Variants in ANKRD18B observed in about 807,000 individuals in gnomAD.
ANKRD18B encodes the protein ankyrin repeat domain 18B.
ANKRD18B carries 75 observed loss-of-function variants against 111.8 expected under a neutral mutation model. The observed-to-expected ratio is 0.67, with a 90% CI of 0.56 to 0.81. The LOEUF (loss-of-function observed/expected upper bound fraction) is 0.81. Ranked by LOEUF, ANKRD18B falls within the 40% of genes least tolerant of loss-of-function variation. The pLI, the probability that ANKRD18B is intolerant of heterozygous loss-of-function variation, is 0.00. For missense variants in ANKRD18B, 1,038 were observed against 1,225.5 expected, an observed-to-expected ratio of 0.85 and a Z score of 2.28; for synonymous variants, 356 against 417.3, an observed-to-expected ratio of 0.85 and a Z score of 1.79.
chr9:33,533,257 G>A (rs1828142760), intron 3 of ANKRD18B, among the ~76,000 whole-genome samples, 182 bp from the exon 4 acceptor site: 2 of 152,220 alleles, frequency 1.3e-5, no homozygotes, highest in South Asian at 4.1e-4. Context: ...TGGGGAGGCA[G>A]AGGAGGGGTG....
chr9:33,533,602 G>A (rs1174650916), intron 4 of ANKRD18B, 57 bp downstream of exon 4: 24 of 1,489,084 alleles, frequency 1.6e-5, no homozygotes, highest in Non-Finnish European at 2.1e-5. Context: ...GTGTTCTAGA[G>A]TGGTAACAGT....
chr9:33,569,780 T>C (rs1160809071), intron 17 of ANKRD18B, among the ~76,000 whole-genome samples: 1 of 152,174 alleles, frequency 6.6e-6, no homozygotes, highest in Non-Finnish European at 1.5e-5. Context: ...ACGCCTGTAA[T>C]CCCAGCATTT....
At chr9:33,533,345 C>A in intron 3 of ANKRD18B, 94 bp from the exon 4 acceptor site, 2 of 1,498,218 alleles carry the variant, frequency 1.3e-6, no homozygotes, top group Non-Finnish European at 1.8e-6. Flanking sequence ...GTCTATATTG[C>A]ATGTTTAAGT....
intron 9 of ANKRD18B, among the ~76,000 whole-genome samples, chr9:33,542,978 C>T (rs1563902419): frequency 6.6e-6 from 1 of 151,646 alleles, no homozygotes; most frequent in Non-Finnish European, 1.5e-5. Context: ...CTTGAACCTG[C>T]TGATATCTAG....
intron 10 of ANKRD18B, among the ~76,000 whole-genome samples, chr9:33,543,967 T>G (rs1828320214): frequency 6.6e-6 from 1 of 152,178 alleles, no homozygotes; most frequent in Non-Finnish European, 1.5e-5. Flanking sequence ...AGTATAACAT[T>G]TGAAGTAGAA....
At chr9:33,528,267 C>T (rs1828055803) in intron 1 of ANKRD18B, among the ~76,000 whole-genome samples, 3 of 152,218 alleles carry the variant, frequency 2.0e-5, no homozygotes, top group African/African-American at 4.8e-5. Context: ...CACCATTGCA[C>T]TCCAGCCTGG....
rs1427619429 is a variant in ANKRD18B at position 33,548,432 on chromosome 9, T to C, written c.1644T>C (p.His548=). The C allele has an allele frequency of 1.0e-5, 16 of 1,551,240 alleles. No individual in the cohort carries two copies. Among genetic ancestry groups the C allele is most frequent in the Admixed American group, 2.0e-5 (1 of 50,946 alleles). Residue 548 remains histidine (H), a synonymous_variant, in exon 11 of 19, where the codon CAT becomes CAC. Coordinates refer to ENST00000684830, the MANE Select transcript of ANKRD18B (RefSeq NM_001393611.1). ...DKNELLTEQV[H]KARVKFNTLK... ...ATGAGTTGCTTACTGAACAGGTCCA[T>C]AAAGCTCGGGTGAAGTTCAATACCT... is the stretch of plus-strand genomic sequence containing the variant.
intron 14 of ANKRD18B, among the ~76,000 whole-genome samples, chr9:33,565,799 T>C (rs1449127398): frequency 6.6e-6 from 1 of 152,184 alleles, no homozygotes; most frequent in East Asian, 1.9e-4. Flanking sequence ...TTTCAAAGTC[T>C]TATTCTGGGA....
intron 10 of ANKRD18B, among the ~76,000 whole-genome samples, chr9:33,545,739 G>C (rs958229492): frequency 6.6e-6 from 1 of 152,192 alleles, no homozygotes; most frequent in Non-Finnish European, 1.5e-5. Context: ...AATGAGACAG[G>C]CTTGTTACAA....
chr9:33,562,118 C>T (rs934321290), intron 14 of ANKRD18B, among the ~76,000 whole-genome samples: 1 of 152,140 alleles, frequency 6.6e-6, no homozygotes. Context: ...AACCTTTAGT[C>T]TCTTATCCAG....
rs778817242 is a variant in ANKRD18B at position 33,566,200 on chromosome 9, T to G, written c.2461-19T>G. The G allele has an allele frequency of 9.1e-6, 14 of 1,536,666 alleles. 1 individual carries two copies. The South Asian group carries it at 1.7e-4, about 19-fold the overall frequency. On this transcript the variant is annotated intron_variant, in intron 14 of 18. Transcript: ENST00000684830. ...CTCAGCCTACTTCATTATCAAGCTCTATTATTTTATTAATGCAGTTTGATG... is the reference window on the plus strand; with the variant it reads ...CTCAGCCTACTTCATTATCAAGCTCGATTATTTTATTAATGCAGTTTGATG...
intron 5 of ANKRD18B, 146 bp downstream of exon 5, chr9:33,534,653 A>C (rs553006236): frequency 8.2e-5 from 93 of 1,134,002 alleles, no homozygotes; most frequent in Non-Finnish European, 1.1e-4. Context: ...CTTAGCCAGA[A>C]ATCACACAGA....
chr9:33,556,733 G>C (rs1340290579), intron 13 of ANKRD18B, among the ~76,000 whole-genome samples: 1 of 151,936 alleles, frequency 6.6e-6, no homozygotes, highest in Non-Finnish European at 1.5e-5. Flanking sequence ...AGACCTATTT[G>C]TGTCCTTCTT....
chr9:33,527,696 A>G (rs1009889337), intron 1 of ANKRD18B, among the ~76,000 whole-genome samples: 4 of 152,206 alleles, frequency 2.6e-5, no homozygotes, highest in Admixed American at 6.5e-5. Context: ...CTCTTTCCCC[A>G]TGGTACTTTT....
chr9:33,548,507 G>C lies in ANKRD18B; in HGVS notation c.1719G>C (p.Leu573Phe), dbSNP rs962080867. The C allele has an allele frequency of 6.4e-6, 10 of 1,550,974 alleles. No homozygotes were observed. Among genetic ancestry groups the C allele is most frequent in the Admixed American group, 3.9e-5 (2 of 50,888 alleles). The change falls in exon 11 of 19, where the codon TTG (leucine) becomes TTC (phenylalanine). Residue 573 changes from leucine to phenylalanine, a missense_variant. Physicochemically the swap from Leu to Phe is conservative, Grantham distance 22. This residue lies in a region of ANKRD18B where 524 missense variants were observed against 677.9 expected (regional missense o/e 0.77). Transcript: ENST00000684830. Reference sequence around the variant, plus strand: ...GAGATGCTCTCAGGGAAAAGACATTGGCTTTAGAAAGTGTACAGCTGGACC... The same window carrying C: ...GAGATGCTCTCAGGGAAAAGACATTCGCTTTAGAAAGTGTACAGCTGGACC... The part of the protein sequence containing the change: ...ETRDALREKT[L>F]ALESVQLDLK...
intron 10 of ANKRD18B, among the ~76,000 whole-genome samples, chr9:33,547,498 A>T (rs1264922975): frequency 6.6e-6 from 1 of 152,164 alleles, no homozygotes; most frequent in African/African-American, 2.4e-5. Context: ...TTATCTGTCC[A>T]AATAGATGTG....
chr9:33,531,599 C>T (rs1451774824), intron 3 of ANKRD18B, among the ~76,000 whole-genome samples: 2 of 150,612 alleles, frequency 1.3e-5, no homozygotes, highest in East Asian at 1.9e-4. Flanking sequence ...TGCTACTGTG[C>T]CCACCTGAGT....
chr9:33,539,980 AG>A (rs1238927786), intron 7 of ANKRD18B, 97 bp from the exon 8 acceptor site: 1 of 151,140 alleles, frequency 6.6e-6, no homozygotes, highest in Non-Finnish European at 1.5e-5. Context: ...AAAGGCTGGA[AG>A]GGCTGCTTTT....
rs1828429945 is a variant in ANKRD18B, at chr9:33,550,451, G to C, written c.2089G>C (p.Glu697Gln). 1 of 1,541,014 alleles carries C rather than the reference G, an allele frequency of 6.5e-7. No individual in the cohort carries two copies. Among genetic ancestry groups the C allele is most frequent in the African/African-American group, 1.4e-5 (1 of 72,618 alleles). ...TCAGGTGATTGTGAGAGAATTTCAAGAAGAACTGGTCGATCATCTTAAAAA... is the reference window on the plus strand; with the variant it reads ...TCAGGTGATTGTGAGAGAATTTCAACAAGAACTGGTCGATCATCTTAAAAA... The part of the protein sequence containing the change: ...EREVIVREFQ[E>Q]ELVDHLKKFS... Residue 697 changes from glutamate (E) to glutamine (Q), a missense_variant, in exon 12 of 19, where the codon GAA becomes CAA. Coordinates refer to ENST00000684830, the MANE Select transcript of ANKRD18B (RefSeq NM_001393611.1).
Sources: gnomAD v4.1 joint callset for allele counts (sites outside exome capture counted in the v4.1 genomes callset) on GRCh38, gnomAD v4.1.1 for gene constraint, gnomAD v4.1.1 regional missense constraint, MANE v1.5 for transcripts, NCBI Gene and HGNC (gene_info 2026-07-23, HGNC 2026-07-21) for gene names.